The following TVP23A variants were observed in gnomAD, a reference collection of about 807,000 sequenced individuals.
TVP23A encodes the protein trans-golgi network vesicle protein 23 homolog A.
TVP23A carries 21 observed loss-of-function variants against 31.7 expected under a neutral mutation model. The ratio of observed to expected loss-of-function variants is 0.66; its 90% confidence interval spans 0.47 to 0.95. TVP23A has a LOEUF of 0.95. Among genes scored for constraint, TVP23A ranks in the 40% least tolerant of loss-of-function variants. TVP23A has a pLI of 0.00. For synonymous variants in TVP23A, 104 were observed against 96.0 expected, an observed-to-expected ratio of 1.08 and a Z score of -0.49; for missense variants, 279 against 255.6, an observed-to-expected ratio of 1.09 and a Z score of -0.62.
rs763623539 is a variant in TVP23A at position 10,774,133 on chromosome 16, G to A, written c.235-5C>T. On this transcript the variant is annotated splice_polypyrimidine_tract_variant and splice_region_variant and intron_variant, in intron 3 of 7. Transcript: ENST00000299866. ...CAGGAGTCTTCCGGTTACATTCTGAGAACAATAGACAAAGGACTCTGAGCA... is the reference window on the plus strand; with the variant it reads ...CAGGAGTCTTCCGGTTACATTCTGAAAACAATAGACAAAGGACTCTGAGCA... 1 of 1,604,488 alleles carries A rather than the reference G, an allele frequency of 6.2e-7. No homozygotes were observed. Among genetic ancestry groups the A allele is most frequent in the Non-Finnish European group, 8.5e-7 (1 of 1,174,840 alleles).
intron 7 of TVP23A, chr16:10,769,447 T>G: frequency 4.1e-6 from 1 of 241,416 alleles, no homozygotes; most frequent in Non-Finnish European, 7.9e-6. Flanking sequence ...AACTCCCGTT[T>G]AAGCCATTTC....
chr16:10,810,928 G>T (rs1298113365), intron 2 of TVP23A, among the ~76,000 whole-genome samples: 2 of 152,300 alleles, frequency 1.3e-5, no homozygotes, highest in East Asian at 3.9e-4. Flanking sequence ...AAAATTGCAT[G>T]AATGAATTCC....
intron 2 of TVP23A, among the ~76,000 whole-genome samples, chr16:10,799,193 G>C (rs2033568396): frequency 6.6e-6 from 1 of 152,208 alleles, no homozygotes; most frequent in South Asian, 2.1e-4. Flanking sequence ...CCCTGAGCCA[G>C]AACCACCCAG....
In TVP23A at chr16:10,818,618, C is replaced by T; in HGVS notation, c.-125G>A. ...GACGGTGGACGCTGAGGGTCGGGGC[C>T]TGCGCCCTGTGGGGCAGCCTCAGCG... On this transcript the variant is annotated 5_prime_UTR_variant, in exon 1 of 8. Transcript: ENST00000299866. This position sits in a 1 kb window ranked among gnomAD's most constrained non-coding sequence, Gnocchi z 4.7. 6 of 1,268,728 alleles carry T rather than the reference C, an allele frequency of 4.7e-6. No homozygotes were observed. The highest frequency in any genetic ancestry group is 1.5e-5 in the South Asian group (1 of 65,246). 78.6% of individuals were successfully genotyped at this position (1,268,728 alleles called of 1,614,324 possible).
chr16:10,758,067 T>C, downstream of TVP23A: 3 of 1,597,162 alleles, frequency 1.9e-6, no homozygotes, highest in Non-Finnish European at 2.6e-6. Context: ...CAAACTGTGC[T>C]CCACACTGTG....
At chr16:10,775,337 C>G in intron 2 of TVP23A, 1 of 1,322,188 alleles carries the variant, frequency 7.6e-7, no homozygotes, top group Non-Finnish European at 9.7e-7. Context: ...AGTACTTTCC[C>G]GCCACTTGAC....
At chr16:10,811,803 C>G (rs1274643283) in intron 2 of TVP23A, among the ~76,000 whole-genome samples, 1 of 149,646 alleles carries the variant, frequency 6.7e-6, no homozygotes, top group Non-Finnish European at 1.5e-5. Context: ...ACTCGGCAGG[C>G]TGAGGCAGGA....
At position 10,767,470 on chromosome 16, in the gene TVP23A, G is replaced by C; in HGVS notation, c.*1632C>G. 7.6e-6 allele frequency: 3 copies of C among 394,074 alleles called. No homozygotes were observed. The highest frequency in any genetic ancestry group is 1.3e-5 in the Non-Finnish European group (3 of 224,374). The allele number at this position is 394,074 out of a possible 1,614,324, so 24.4% of individuals were successfully genotyped here. A position where few individuals can be genotyped will look rare whatever the true frequency, so the allele number is the denominator to read the frequency against. On this transcript the variant is annotated 3_prime_UTR_variant, in exon 8 of 8. Coordinates refer to ENST00000299866, the MANE Select transcript of TVP23A (RefSeq NM_001079512.4). The surrounding 1 kb of genome is among the most constrained non-coding windows in gnomAD (Gnocchi z 4.6). ...ATTCGTATTTTAGGTATATGAGAGT[G>C]TGTGTATGTGTGTGCGCACACATGC...
downstream of TVP23A, chr16:10,761,870 C>G: frequency 6.2e-7 from 1 of 1,606,112 alleles, no homozygotes; most frequent in Non-Finnish European, 8.5e-7. Flanking sequence ...GTGGGTGACC[C>G]CAGTGTGGGG....
chr16:10,761,637 G>A (rs543363072), intron 8 of TVP23A: 1 of 964,740 alleles, frequency 1.0e-6, no homozygotes, highest in East Asian at 2.6e-5. Flanking sequence ...TTCTTTAGGT[G>A]TTAAGGGTTC....
chr16:10,759,670 G>C (rs1596461148), downstream of TVP23A, among the ~76,000 whole-genome samples: 1 of 152,232 alleles, frequency 6.6e-6, no homozygotes, highest in East Asian at 1.9e-4. The surrounding 1 kb of genome is among the most constrained non-coding windows in gnomAD (Gnocchi z 4.7). Flanking sequence ...CAGCTACTTG[G>C]GAGGCTGAGG....
At chr16:10,787,783 G>A (rs911838425) in intron 2 of TVP23A, among the ~76,000 whole-genome samples, 5 of 151,870 alleles carry the variant, frequency 3.3e-5, no homozygotes, top group Non-Finnish European at 7.4e-5. Context: ...CTCCTCATAT[G>A]TGTCAGTGTC....
chr16:10,767,474 GTA>G lies in TVP23A; in HGVS notation c.*1626_*1627del, dbSNP rs1567269986. On this transcript the variant is annotated 3_prime_UTR_variant, in exon 8 of 8. Coordinates refer to ENST00000299866, the MANE Select transcript of TVP23A (RefSeq NM_001079512.4). The surrounding 1 kb of genome is among the most constrained non-coding windows in gnomAD (Gnocchi z 4.6). The stretch of plus-strand genomic sequence containing the variant: ...GTATTTTAGGTATATGAGAGTGTGT[GTA>G]TGTGTGTGCGCACACATGCAAGTGT... 4.2e-5 allele frequency: 17 copies of G among 403,226 alleles called. No individual in the cohort carries two copies. Among genetic ancestry groups the G allele is most frequent in the Non-Finnish European group, 6.5e-5 (15 of 229,760 alleles). The allele number at this position is 403,226 out of a possible 1,614,324, so 25.0% of individuals were successfully genotyped here.
chr16:10,816,258 G>A (rs1255017337), intron 2 of TVP23A, among the ~76,000 whole-genome samples: 3 of 147,528 alleles, frequency 2.0e-5, no homozygotes, highest in Non-Finnish European at 4.4e-5. Context: ...AGAAATCCAG[G>A]TTCTAATCCC....
In TVP23A at chr16:10,814,075, G is replaced by A. The variant is rs147172776; in HGVS notation, c.89+4028C>T. Among the ~76,000 whole-genome samples the A allele has an allele frequency of 1.6e-3, 238 of 149,910 alleles. 2 individuals are homozygous for A. Among genetic ancestry groups the A allele is most frequent in the African/African-American group, 5.6e-3 (229 of 40,750 alleles). On this transcript the variant is annotated intron_variant, in intron 2 of 7. Coordinates refer to ENST00000299866, the MANE Select transcript of TVP23A (RefSeq NM_001079512.4). Reference sequence around the variant, plus strand: ...TCTGGGTAAATTCATTTGTTCTCAGGATTTTAGAGCCATCTCTACATTCCT... The same window carrying A: ...TCTGGGTAAATTCATTTGTTCTCAGAATTTTAGAGCCATCTCTACATTCCT...
downstream of TVP23A, chr16:10,761,844 C>T (rs764482756): frequency 8.7e-6 from 14 of 1,613,842 alleles, no homozygotes; most frequent in Non-Finnish European, 1.1e-5. Context: ...CAGAGTGCCC[C>T]TGGATCCGCT....
Position 10,818,335 on chromosome 16 carries a change from G to GT in TVP23A, c.9+149dup. 7.3e-7 allele frequency: 1 copy of GT among 1,375,082 alleles called. No individual in the cohort carries two copies. Among genetic ancestry groups the GT allele is most frequent in the African/African-American group, 1.4e-5 (1 of 69,922 alleles). The allele number at this position is 1,375,082 out of a possible 1,614,324, so 85.2% of individuals were successfully genotyped here. On this transcript the variant is annotated intron_variant, in intron 1 of 7. Coordinates refer to ENST00000299866, the MANE Select transcript of TVP23A (RefSeq NM_001079512.4). This position sits in a 1 kb window ranked among gnomAD's most constrained non-coding sequence, Gnocchi z 4.7. ...GCGGGGCCCCTCCGCTGCGGCTGCA[G>GT]TGCAAAGCCCTCTCCACCCTCCCGA...
intron 2 of TVP23A, among the ~76,000 whole-genome samples, chr16:10,787,056 A>T (rs1044437005): frequency 1.3e-5 from 2 of 152,136 alleles, no homozygotes; most frequent in African/African-American, 4.8e-5. Flanking sequence ...TCCTCTACAA[A>T]AAAAGAGGCC....
intron 2 of TVP23A, among the ~76,000 whole-genome samples, chr16:10,787,951 A>G (rs1489546925): frequency 6.6e-6 from 1 of 152,162 alleles, no homozygotes; most frequent in Non-Finnish European, 1.5e-5. Context: ...ACTCTGTAAA[A>G]TATTTAAAGA....
Sources: allele counts gnomAD v4.1 joint callset (sites outside exome capture counted in the v4.1 genomes callset), GRCh38; gene constraint gnomAD v4.1.1; non-coding constraint Gnocchi (gnomAD v3.1); transcripts MANE v1.5; gene names NCBI Gene and HGNC (gene_info 2026-07-23, HGNC 2026-07-21).